The following CORIN variants were observed in gnomAD, a reference collection of about 807,000 sequenced individuals.
The protein encoded by CORIN is corin, serine peptidase.
In CORIN, 117 loss-of-function variants were observed where a neutral mutation model predicts 125.3. The ratio of observed to expected loss-of-function variants is 0.93; its 90% confidence interval spans 0.80 to 1.09. CORIN has a LOEUF of 1.09. Ranked by LOEUF, CORIN falls within the 50% of genes least tolerant of loss-of-function variation. The pLI is 0.00. For synonymous variants in CORIN, 450 were observed against 466.4 expected (o/e 0.96, Z 0.45); for missense variants, 1,253 against 1,306.7 (o/e 0.96, Z 0.63).
In CORIN at chr4:47,837,974, C is replaced by T; in HGVS notation, c.-25G>A. The T allele has an allele frequency of 6.2e-7, 1 of 1,609,862 alleles. No individual in the cohort carries two copies. The highest frequency in any genetic ancestry group is 8.5e-7 in the Non-Finnish European group (1 of 1,179,980). On this transcript the variant is annotated 5_prime_UTR_variant, in exon 1 of 22. Coordinates refer to ENST00000273857, the MANE Select transcript of CORIN (RefSeq NM_006587.4). The stretch of plus-strand genomic sequence containing the variant: ...TGGATAAAAAGTCTCGCTTATTCTT[C>T]TGTCCACTTTTATCTTGGTCGCTTT...
chr4:47,708,175 G>T (rs895759508), intron 5 of CORIN, among the ~76,000 whole-genome samples: 2 of 152,204 alleles, frequency 1.3e-5, no homozygotes, highest in Admixed American at 6.5e-5. Flanking sequence ...CACAAATTGG[G>T]TGGCTGAAAA....
chr4:47,697,631 C>T (rs970915677), intron 5 of CORIN, among the ~76,000 whole-genome samples: 2 of 152,014 alleles, frequency 1.3e-5, no homozygotes, highest in Admixed American at 6.6e-5. Context: ...GAGAATCAAT[C>T]GCTTGAACCT....
intron 2 of CORIN, among the ~76,000 whole-genome samples, chr4:47,789,367 C>A (rs1381466982): frequency 6.6e-6 from 1 of 151,992 alleles, no homozygotes; most frequent in Non-Finnish European, 1.5e-5. Flanking sequence ...CCTAAGAAGT[C>A]CTCTGAAACA....
At chr4:47,763,269 T>C (rs1729552618) in intron 4 of CORIN, 110 bp downstream of exon 4, 5 of 750,810 alleles carry the variant, frequency 6.7e-6, no homozygotes, top group Non-Finnish European at 2.2e-6. Context: ...ATGACTAATG[T>C]GGCTAATAAC....
chr4:47,745,297 C>T (rs1363729370), intron 4 of CORIN, among the ~76,000 whole-genome samples: 1 of 152,232 alleles, frequency 6.6e-6, no homozygotes, highest in Admixed American at 6.5e-5. Context: ...AGGCCACGGA[C>T]TTGCTTCCTT....
chr4:47,761,644 T>C (rs1729467084), intron 4 of CORIN, among the ~76,000 whole-genome samples: 1 of 152,136 alleles, frequency 6.6e-6, no homozygotes, highest in Non-Finnish European at 1.5e-5. Flanking sequence ...CAGGATCTCA[T>C]TCATATATAG....
At chr4:47,786,544 AAACAACAAC>A (rs969631959) in intron 3 of CORIN, among the ~76,000 whole-genome samples, 172 bp downstream of exon 3, 8 of 151,994 alleles carry the variant, frequency 5.3e-5, no homozygotes, top group Middle Eastern at 3.4e-3. Flanking sequence ...TCCGCCTGAA[AAACAACAAC>A]AACAACAACA....
chr4:47,702,734 T>C (rs1322178169), intron 5 of CORIN, among the ~76,000 whole-genome samples: 1 of 152,082 alleles, frequency 6.6e-6, no homozygotes, highest in Non-Finnish European at 1.5e-5. Flanking sequence ...AAAAAAAACA[T>C]ACTTCTTTCA....
chr4:47,759,429 A>G (rs1729344753), intron 4 of CORIN, among the ~76,000 whole-genome samples: 2 of 152,204 alleles, frequency 1.3e-5, no homozygotes, highest in African/African-American at 2.4e-5. Flanking sequence ...GAGACAACCT[A>G]TGGAATGGGA....
chr4:47,733,106 T>C (rs1341529770), intron 5 of CORIN, among the ~76,000 whole-genome samples: 1 of 152,196 alleles, frequency 6.6e-6, no homozygotes, highest in Non-Finnish European at 1.5e-5. Flanking sequence ...GTCTGTTGAA[T>C]TGAAGGATTT....
chr4:47,728,756 T>C (rs1727717002), intron 5 of CORIN, among the ~76,000 whole-genome samples: 1 of 152,226 alleles, frequency 6.6e-6, no homozygotes, highest in East Asian at 1.9e-4. Flanking sequence ...AGGCATAATA[T>C]TGACAAAATG....
chr4:47,830,938 G>C (rs1732959653), intron 1 of CORIN, among the ~76,000 whole-genome samples: 2 of 152,174 alleles, frequency 1.3e-5, no homozygotes, highest in Non-Finnish European at 2.9e-5. Flanking sequence ...TTCAAGTGCT[G>C]TCAACCTAAA....
intron 4 of CORIN, among the ~76,000 whole-genome samples, chr4:47,748,482 C>T (rs899243503): frequency 6.6e-6 from 1 of 152,132 alleles, no homozygotes; most frequent in African/African-American, 2.4e-5. Context: ...AGCTTTTATA[C>T]CTCCTCTATA....
At chr4:47,658,815 A>T (rs1724111928) in intron 12 of CORIN, among the ~76,000 whole-genome samples, 4 of 152,192 alleles carry the variant, frequency 2.6e-5, no homozygotes, top group African/African-American at 9.7e-5. Context: ...CTACTGAAAA[A>T]GCTTTTTGTT....
At chr4:47,762,137 T>C (rs566878125) in intron 4 of CORIN, among the ~76,000 whole-genome samples, 1 of 152,288 alleles carries the variant, frequency 6.6e-6, no homozygotes, top group East Asian at 1.9e-4. Flanking sequence ...TGTGTATGTG[T>C]AGTATTCTTA....
At chr4:47,624,306 A>G (rs1722464411) in intron 17 of CORIN, among the ~76,000 whole-genome samples, 1 of 152,190 alleles carries the variant, frequency 6.6e-6, no homozygotes, top group South Asian at 2.1e-4. Context: ...GCAAATTCAA[A>G]CTACAGTTCT....
chr4:47,673,372 T>C (rs186724285), intron 10 of CORIN, among the ~76,000 whole-genome samples: 2,405 of 147,902 alleles, frequency 0.016, 68 homozygotes, highest in African/African-American at 0.056. Flanking sequence ...CCAGACTCTG[T>C]CTCAGAAAAA....
chr4:47,716,065 T>C (rs1034281062), intron 5 of CORIN, among the ~76,000 whole-genome samples: 1 of 152,232 alleles, frequency 6.6e-6, no homozygotes, highest in Non-Finnish European at 1.5e-5. Context: ...GAACTAAATG[T>C]AGTACTCTAT....
At position 47,594,271 on chromosome 4, in the gene CORIN, T is replaced by C. The variant is rs1424013426; in HGVS notation, c.*1450A>G. 1 of 152,492 alleles carries C rather than the reference T, an allele frequency of 6.6e-6. No individual in the cohort carries two copies. The highest frequency in any genetic ancestry group is 1.9e-4 in the East Asian group (1 of 5,196). 9.4% of individuals were successfully genotyped at this position (152,492 alleles called of 1,614,324 possible). A position where few individuals can be genotyped will look rare whatever the true frequency, so the allele number is the denominator to read the frequency against. On this transcript the variant is annotated 3_prime_UTR_variant, in exon 22 of 22. Coordinates refer to ENST00000273857, the MANE Select transcript of CORIN (RefSeq NM_006587.4). Reference sequence around the variant, plus strand: ...ACAACTTTTTGAATTTCAACTATGTTTACACACAGAAAAGATACAAAAATA... The same window carrying C: ...ACAACTTTTTGAATTTCAACTATGTCTACACACAGAAAAGATACAAAAATA...
Sources: allele counts gnomAD v4.1 joint callset (sites outside exome capture counted in the v4.1 genomes callset), GRCh38; gene constraint gnomAD v4.1.1; transcripts MANE v1.5; gene names NCBI Gene and HGNC (gene_info 2026-07-23, HGNC 2026-07-21).